Variants in FHL2 observed in about 807,000 individuals in gnomAD.
FHL2 encodes the protein four and a half LIM domains 2, also known as four and a half LIM domains protein 2.
In FHL2, 20 loss-of-function variants were observed where a neutral mutation model predicts 32.7. The observed-to-expected ratio is 0.61, with a 90% CI of 0.43 to 0.89. The LOEUF (loss-of-function observed/expected upper bound fraction) is 0.89, where lower values mean the gene tolerates loss of function less well. FHL2 is among the 40% of genes least tolerant of loss of function. The pLI, the probability that FHL2 is intolerant of heterozygous loss-of-function variation, is 0.00. For missense variants in FHL2, 311 were observed against 358.6 expected, an observed-to-expected ratio of 0.87 and a Z score of 1.07; for synonymous variants, 123 against 128.1, an observed-to-expected ratio of 0.96 and a Z score of 0.27.
intron 1 of FHL2, among the ~76,000 whole-genome samples, chr2:105,421,247 A>C (rs1214170006): frequency 6.6e-6 from 1 of 152,242 alleles, no homozygotes; most frequent in African/African-American, 2.4e-5. Context: ...TCTGGGACAG[A>C]GTCCACACAA....
At position 105,361,082 on chromosome 2, in the gene FHL2, C is replaced by T. The variant is rs757512099; in HGVS notation, c.*201G>A. ...TTCAAACCATCTTCCCACCTAGGGC[C>T]TAGGGCGAGTTTTCTCTTTCCCTGG... On this transcript the variant is annotated 3_prime_UTR_variant, in exon 7 of 7. Transcript: ENST00000530340. 1.1e-5 allele frequency: 5 copies of T among 468,548 alleles called. No individual in the cohort carries two copies. The East Asian group carries it at 1.7e-4, about 16-fold the overall frequency. The allele number at this position is 468,548 out of a possible 1,614,324, so 29.0% of individuals were successfully genotyped here.
chr2:105,388,389 A>T (rs13003472), intron 2 of FHL2, among the ~76,000 whole-genome samples: 22,450 of 152,194 alleles, frequency 0.15, 2,036 homozygotes, highest in South Asian at 0.22. Context: ...TGTTAGAATG[A>T]TCCTGGAGAG....
chr2:105,401,767 G>T (rs1436066048), upstream of FHL2, among the ~76,000 whole-genome samples: 1 of 152,038 alleles, frequency 6.6e-6, no homozygotes, highest in Non-Finnish European at 1.5e-5. Context: ...AATCAACTGA[G>T]AAAAATAAAA....
At chr2:105,412,048 G>T (rs181200536) in intron 1 of FHL2, among the ~76,000 whole-genome samples, 1 of 152,260 alleles carries the variant, frequency 6.6e-6, no homozygotes, top group Admixed American at 6.5e-5. Context: ...TTCCGGTCAA[G>T]GTTAAGATAT....
chr2:105,396,832 A>G (rs1005679754), intron 1 of FHL2, 135 bp from the exon 2 acceptor site: 8 of 709,454 alleles, frequency 1.1e-5, no homozygotes, highest in Non-Finnish European at 1.6e-5. Context: ...AGAAGAACCC[A>G]ATGTCTAATG....
Position 105,424,891 on chromosome 2 carries a change from G to A in FHL2, c.-25+13508C>T, listed in dbSNP as rs544923677. Among the ~76,000 whole-genome samples the A allele has an allele frequency of 2.0e-4, 30 of 152,278 alleles. No homozygotes were observed. The South Asian group carries it at 6.0e-3, about 31-fold the overall frequency. On this transcript the variant is annotated intron_variant, in intron 1 of 5. Coordinates refer to the FHL2 transcript ENST00000393352. ...TGTCAGGGAGTGGGGGCCTGGGAGA[G>A]GGATAGCATTAGGAGAAATACCTAA...
chr2:105,435,855 TA>T (rs1269398628), intron 1 of FHL2, among the ~76,000 whole-genome samples: 2 of 152,042 alleles, frequency 1.3e-5, no homozygotes, highest in South Asian at 2.1e-4. Flanking sequence ...AAACAAACAA[TA>T]AAAAAAGACC....
chr2:105,370,356 A>C (rs2679866), intron 4 of FHL2, among the ~76,000 whole-genome samples: 23,168 of 151,776 alleles, frequency 0.15, 2,163 homozygotes, highest in South Asian at 0.22. Flanking sequence ...GCCTGAGCGA[A>C]AGAGCGAGAT....
At position 105,373,638 on chromosome 2, in the gene FHL2, C is replaced by T. The variant is rs887849672; in HGVS notation, c.252G>A (p.Glu84=). 2 of 1,614,096 alleles carry T rather than the reference C, an allele frequency of 1.2e-6. No individual in the cohort carries two copies. Among genetic ancestry groups the T allele is most frequent in the African/African-American group, 2.7e-5 (2 of 74,934 alleles). ...AGCAGTCTGTACAGAGCAGCTGGTC[C>T]TCCTTGGCAGCAAAGGGCTTGTCCA... is the stretch of plus-strand genomic sequence containing the variant. ...SLVDKPFAAK[E]DQLLCTDCYS... The change falls in exon 4 of 7, where the codon GAG becomes GAA. Residue 84 remains glutamate, a synonymous_variant. Transcript: ENST00000530340.
chr2:105,370,664 T>C (rs1680997754), intron 4 of FHL2, among the ~76,000 whole-genome samples: 1 of 152,194 alleles, frequency 6.6e-6, no homozygotes, highest in African/African-American at 2.4e-5. Context: ...TGTAAACCCA[T>C]ATTCATCTTG....
At chr2:105,367,496 A>G in intron 5 of FHL2, 74 bp downstream of exon 5, 1 of 1,462,878 alleles carries the variant, frequency 6.8e-7, no homozygotes, top group Admixed American at 2.1e-5. Context: ...GGTTTTGGAA[A>G]GAGAACTGAC....
At chr2:105,418,310 G>A (rs1366080816) in intron 1 of FHL2, among the ~76,000 whole-genome samples, 1 of 152,086 alleles carries the variant, frequency 6.6e-6, no homozygotes, top group Admixed American at 6.6e-5. Context: ...GTGGGGACCA[G>A]GCAGATAAGC....
At chr2:105,380,084 G>T (rs1681773011) in intron 3 of FHL2, among the ~76,000 whole-genome samples, 1 of 152,208 alleles carries the variant, frequency 6.6e-6, no homozygotes, top group Admixed American at 6.5e-5. Flanking sequence ...TCACAATAAG[G>T]AGGAAGTGAG....
intron 2 of FHL2, among the ~76,000 whole-genome samples, chr2:105,392,687 T>C (rs1196891002): frequency 7.1e-6 from 1 of 141,394 alleles, no homozygotes; most frequent in Admixed American, 7.1e-5. Context: ...TGGAGGAAAA[T>C]AAAGGGAAAA....
intron 1 of FHL2, among the ~76,000 whole-genome samples, chr2:105,429,616 T>A (rs1411846413): frequency 6.6e-6 from 1 of 152,222 alleles, no homozygotes; most frequent in African/African-American, 2.4e-5. Context: ...ATACCTTGAT[T>A]CTGGCCTAGT....
At position 105,399,034 on chromosome 2, in the gene FHL2, C is replaced by T; in HGVS notation, c.-268G>A. The T allele has an allele frequency of 2.7e-6, 4 of 1,494,992 alleles. No individual in the cohort carries two copies. The African/African-American group carries it at 4.4e-5, about 16-fold the overall frequency. 92.6% of individuals were successfully genotyped at this position (1,494,992 alleles called of 1,614,324 possible). On this transcript the variant is annotated 5_prime_UTR_variant, in exon 1 of 7. Coordinates refer to ENST00000530340, the MANE Select transcript of FHL2 (RefSeq NM_001318895.3). ...GGGCGCGGGCGGCTGGTGGCTGCGG[C>T]TCCGCTGCCGGCCGAGTGGAGCGCT...
chr2:105,361,128 CTAAAGGGTT>C lies in FHL2; in HGVS notation c.*146_*154del. ...CCTGGGACTGAACTATCACAAAGCA[CTAAAGGGTT>C]TAAGCAAACGTGAGTATCACTGAAA... On this transcript the variant is annotated 3_prime_UTR_variant, in exon 7 of 7. Coordinates refer to ENST00000530340, the MANE Select transcript of FHL2 (RefSeq NM_001318895.3). 1.4e-6 allele frequency: 1 copy of C among 722,286 alleles called. No individual in the cohort carries two copies. The highest frequency in any genetic ancestry group is 2.2e-6 in the Non-Finnish European group (1 of 446,500). The allele number at this position is 722,286 out of a possible 1,614,324, so 44.7% of individuals were successfully genotyped here. A position where few individuals can be genotyped will look rare whatever the true frequency, so the allele number is the denominator to read the frequency against.
intron 6 of FHL2, among the ~76,000 whole-genome samples, chr2:105,362,505 C>T (rs1680341362): frequency 6.6e-6 from 1 of 152,160 alleles, no homozygotes; most frequent in Admixed American, 6.5e-5. Context: ...AGCCAGGCCA[C>T]CGGGTACTCC....
At chr2:105,414,580 T>C (rs1473364584) in intron 1 of FHL2, among the ~76,000 whole-genome samples, 1 of 152,162 alleles carries the variant, frequency 6.6e-6, no homozygotes, top group African/African-American at 2.4e-5. Flanking sequence ...TGAGACAGAG[T>C]CTCGCTCTGT....
Sources: gnomAD v4.1 joint callset for allele counts (sites outside exome capture counted in the v4.1 genomes callset) on GRCh38, gnomAD v4.1.1 for gene constraint, MANE v1.5 for transcripts, NCBI Gene and HGNC (gene_info 2026-07-23, HGNC 2026-07-21) for gene names.